PPP3CA: variants seen among roughly 807,000 people sequenced by gnomAD.
The protein encoded by PPP3CA is CAM-PRP catalytic subunit.
In PPP3CA, 14 loss-of-function variants were observed where a neutral mutation model predicts 66.5. The ratio of observed to expected loss-of-function variants is 0.21; its 90% CI spans 0.14 to 0.33. The LOEUF (loss-of-function observed/expected upper bound fraction) is 0.33, where lower values mean the gene tolerates loss of function less well. PPP3CA is among the 10% of genes least tolerant of loss of function. PPP3CA has a pLI of 1.00. For synonymous variants in PPP3CA, 232 were observed against 226.2 expected, an observed-to-expected ratio of 1.03 and a Z score of -0.23; for missense variants, 317 against 639.5, an observed-to-expected ratio of 0.50 and a Z score of 5.44.
At chr4:101,263,728 T>C (rs13117949) in intron 1 of PPP3CA, among the ~76,000 whole-genome samples, 84,658 of 151,724 alleles carry the variant, frequency 0.56, 27,492 homozygotes, top group Non-Finnish European at 0.74. Context: ...CAGGGGTCTA[T>C]TGATTAAATT....
At chr4:101,145,207 A>T (rs1302177901) in intron 2 of PPP3CA, among the ~76,000 whole-genome samples, 1 of 152,174 alleles carries the variant, frequency 6.6e-6, no homozygotes, top group Admixed American at 6.5e-5. Context: ...AATTAGTACA[A>T]CCACTATGGA....
intron 2 of PPP3CA, among the ~76,000 whole-genome samples, chr4:101,124,725 G>GAA (rs1412415941): frequency 0.013 from 768 of 58,040 alleles, 22 homozygotes; most frequent in African/African-American, 0.03. Flanking sequence ...AAGAAAGAAA[G>GAA]AGAAAGAAAG....
At chr4:101,032,918 G>A (rs187953978) in intron 11 of PPP3CA, among the ~76,000 whole-genome samples, 3 of 152,104 alleles carry the variant, frequency 2.0e-5, no homozygotes, top group African/African-American at 4.8e-5. Context: ...ATAAAATAAT[G>A]GCAAGCAGCC....
intron 8 of PPP3CA, among the ~76,000 whole-genome samples, chr4:101,077,370 A>T (rs1405020051): frequency 6.6e-6 from 1 of 152,246 alleles, no homozygotes; most frequent in Non-Finnish European, 1.5e-5. Flanking sequence ...GTACTTTATT[A>T]TCATTTGCTT....
chr4:101,345,595 T>C (rs1729956370), intron 1 of PPP3CA, among the ~76,000 whole-genome samples: 1 of 152,108 alleles, frequency 6.6e-6, no homozygotes, highest in Non-Finnish European at 1.5e-5. Flanking sequence ...TACTACTTAA[T>C]CCAAGTGGTT....
chr4:101,190,520 A>C (rs943914478), intron 2 of PPP3CA, among the ~76,000 whole-genome samples: 4 of 152,202 alleles, frequency 2.6e-5, no homozygotes, highest in Non-Finnish European at 4.4e-5. Flanking sequence ...ATGTTAATAG[A>C]GTATTACTGA....
At chr4:101,171,382 G>A (rs1267856345) in intron 2 of PPP3CA, among the ~76,000 whole-genome samples, 1 of 150,090 alleles carries the variant, frequency 6.7e-6, no homozygotes, top group Non-Finnish European at 1.5e-5. Flanking sequence ...AAAGAAGGTT[G>A]ACAGCTTAGG....
chr4:101,209,022 C>T (rs1354435044), intron 1 of PPP3CA, among the ~76,000 whole-genome samples: 2 of 152,048 alleles, frequency 1.3e-5, no homozygotes, highest in Admixed American at 6.6e-5. Flanking sequence ...AAGACAAAGG[C>T]AGAAAATATA....
chr4:101,082,332 T>C (rs970508038), intron 7 of PPP3CA, among the ~76,000 whole-genome samples: 2 of 152,196 alleles, frequency 1.3e-5, no homozygotes, highest in Admixed American at 1.3e-4. Flanking sequence ...AGGGATGTCA[T>C]AGACATGGGC....
intron 10 of PPP3CA, among the ~76,000 whole-genome samples, chr4:101,057,652 C>T (rs1266838804): frequency 1.3e-5 from 2 of 152,174 alleles, no homozygotes; most frequent in South Asian, 4.1e-4. Context: ...CTCCTATTAT[C>T]ACCCTGTTTA....
intron 1 of PPP3CA, among the ~76,000 whole-genome samples, chr4:101,262,589 G>A (rs1043589497): frequency 1.3e-5 from 2 of 152,108 alleles, no homozygotes; most frequent in Non-Finnish European, 2.9e-5. Context: ...TTGCAGAGAA[G>A]AAAATGAGAT....
At chr4:101,245,822 G>T (rs1726458638) in intron 1 of PPP3CA, among the ~76,000 whole-genome samples, 1 of 151,850 alleles carries the variant, frequency 6.6e-6, no homozygotes, top group African/African-American at 2.4e-5. Flanking sequence ...ACACTTACTT[G>T]AACAAGGGAC....
At chr4:101,342,346 TC>T (rs2110343125) in intron 1 of PPP3CA, among the ~76,000 whole-genome samples, 6 of 152,288 alleles carry the variant, frequency 3.9e-5, no homozygotes, top group African/African-American at 1.4e-4. Context: ...AATCCCAGTC[TC>T]AATTGTTGCA....
intron 1 of PPP3CA, 62 bp from the exon 2 acceptor site, chr4:101,196,178 T>A: frequency 2.1e-6 from 3 of 1,453,416 alleles, no homozygotes; most frequent in East Asian, 2.3e-5. Flanking sequence ...AATGCAATAA[T>A]AACCACCAAA....
At chr4:101,107,973 T>C (rs1316465283) in intron 3 of PPP3CA, 5 of 152,218 alleles carry the variant, frequency 3.3e-5, no homozygotes, top group Admixed American at 2.6e-4. Context: ...ACCACTTCTT[T>C]CAATAAATTA....
At chr4:101,088,205 T>C (rs1729756273) in intron 6 of PPP3CA, among the ~76,000 whole-genome samples, 1 of 152,044 alleles carries the variant, frequency 6.6e-6, no homozygotes, top group Non-Finnish European at 1.5e-5. Context: ...ACTATTCACT[T>C]TGTATTTTAC....
chr4:101,333,575 C>T (rs1160481619), intron 1 of PPP3CA, among the ~76,000 whole-genome samples: 2 of 151,914 alleles, frequency 1.3e-5, no homozygotes, highest in African/African-American at 4.8e-5. Flanking sequence ...TCTTGTATAG[C>T]GCTAGGCACA....
Position 101,109,006 on chromosome 4 carries a change from G to C in PPP3CA, c.332C>G (p.Thr111Ser). 6.2e-7 allele frequency: 1 copy of C among 1,613,586 alleles called. No individual in the cohort carries two copies. ...ATAGTCCCCTAAGAAGAGGTAGCGA[G>C]TGTTGGCAGGAGATCCCCCGACTTC... The part of the protein sequence containing the change: ...LFEVGGSPAN[T>S]RYLFLGDYVD... Residue 111 changes from threonine (T) to serine (S), a missense_variant, in exon 3 of 14, where the codon ACT (threonine) becomes AGT (serine). Thr to Ser is a moderately conservative substitution (Grantham distance 58). Around this residue, in one of 3 missense-constraint regions of PPP3CA, gnomAD observed 201 missense variants for 501.4 expected, o/e 0.40. Coordinates refer to ENST00000394854, the MANE Select transcript of PPP3CA (RefSeq NM_000944.5).
In PPP3CA at chr4:101,099,685, G is replaced by C. The variant is rs2110254789; in HGVS notation, c.422C>G (p.Pro141Arg). Residue 141 changes from proline (P) to arginine (R), a missense_variant, in exon 4 of 14, where the codon CCC (proline) becomes CGC (arginine). Pro to Arg is a moderately radical substitution (Grantham distance 103). Around this residue, in one of 3 missense-constraint regions of PPP3CA, gnomAD observed 201 missense variants for 501.4 expected, o/e 0.40. Coordinates refer to ENST00000394854, the MANE Select transcript of PPP3CA (RefSeq NM_000944.5). ...TCCACGAAGTAAAAACAGTGTTTTGGGGTAGAGAATTTTCAAGGCCCACAA... is the reference window on the plus strand; with the variant it reads ...TCCACGAAGTAAAAACAGTGTTTTGCGGTAGAGAATTTTCAAGGCCCACAA... Reference protein sequence around the residue: ...LYLWALKILYPKTLFLLRGNH... With the variant: ...LYLWALKILYRKTLFLLRGNH... The C allele has an allele frequency of 6.3e-7, 1 of 1,589,212 alleles. No homozygotes were observed. The highest frequency in any genetic ancestry group is 8.6e-7 in the Non-Finnish European group (1 of 1,167,208).
Sources: gnomAD v4.1 joint callset for allele counts (sites outside exome capture counted in the v4.1 genomes callset) on GRCh38, gnomAD v4.1.1 for gene constraint, gnomAD v4.1.1 regional missense constraint, MANE v1.5 for transcripts, NCBI Gene and HGNC (gene_info 2026-07-23, HGNC 2026-07-21) for gene names.